HYCC2: variants seen among roughly 807,000 people sequenced by gnomAD.
The protein encoded by HYCC2 is hyccin 2.
At chr2:200,997,437 C>A in the HYCC2 span, 536 of 1,554,090 alleles carry the variant, frequency 3.4e-4, no homozygotes, top group Non-Finnish European at 4.1e-4. Context: ...AATAATCACT[C>A]TTCTCACCTG....
the HYCC2 span, among the ~76,000 whole-genome samples, chr2:201,042,261 A>C: frequency 6.6e-6 from 1 of 151,876 alleles, no homozygotes; most frequent in Non-Finnish European, 1.5e-5. Context: ...CTCAATGCTC[A>C]ATGTTGCCCA....
At chr2:200,992,045 C>T in the HYCC2 span, among the ~76,000 whole-genome samples, 1 of 152,006 alleles carries the variant, frequency 6.6e-6, no homozygotes, top group Non-Finnish European at 1.5e-5. Flanking sequence ...AGAACCTTTT[C>T]TTCTCTCTTT....
the HYCC2 span, chr2:200,977,602 G>C: frequency 6.6e-6 from 1 of 152,180 alleles, no homozygotes; most frequent in Non-Finnish European, 1.5e-5. Flanking sequence ...TGTAATCCTA[G>C]CACTTCTGGG....
chr2:201,033,374 T>TA, the HYCC2 span, among the ~76,000 whole-genome samples: 3 of 111,508 alleles, frequency 2.7e-5, no homozygotes, highest in Non-Finnish European at 5.7e-5. Flanking sequence ...TTGGCTAATT[T>TA]ATTTTATTTT....
At chr2:201,070,307 A>G in the HYCC2 span, among the ~76,000 whole-genome samples, 60 of 152,268 alleles carry the variant, frequency 3.9e-4, no homozygotes, top group South Asian at 0.012. Flanking sequence ...AACCTAATAA[A>G]TAATTCATAA....
the HYCC2 span, among the ~76,000 whole-genome samples, chr2:201,009,824 C>T: frequency 3.3e-5 from 5 of 151,994 alleles, no homozygotes; most frequent in African/African-American, 9.6e-5. Flanking sequence ...ACCATCCAGG[C>T]CAGGCGCGGT....
chr2:201,046,091 C>T, the HYCC2 span, among the ~76,000 whole-genome samples: 14 of 152,168 alleles, frequency 9.2e-5, no homozygotes, highest in Admixed American at 7.2e-4. Flanking sequence ...ATGGGTTTCA[C>T]ATAACTGAAA....
chr2:201,041,187 T>C, the HYCC2 span, among the ~76,000 whole-genome samples: 3 of 152,244 alleles, frequency 2.0e-5, no homozygotes, highest in East Asian at 5.8e-4. Flanking sequence ...AAGTAGCTTG[T>C]TATTCTCATC....
At chr2:201,035,882 G>A in the HYCC2 span, among the ~76,000 whole-genome samples, 1 of 152,122 alleles carries the variant, frequency 6.6e-6, no homozygotes, top group African/African-American at 2.4e-5. Context: ...GACCCTGTTT[G>A]CCTGGATATC....
chr2:201,042,539 C>T, the HYCC2 span, among the ~76,000 whole-genome samples: 1 of 151,794 alleles, frequency 6.6e-6, no homozygotes, highest in African/African-American at 2.4e-5. Flanking sequence ...GCCACCCCGT[C>T]TGGGAGGTGA....
At chr2:201,028,769 A>G in the HYCC2 span, among the ~76,000 whole-genome samples, 5 of 152,354 alleles carry the variant, frequency 3.3e-5, no homozygotes, top group South Asian at 1.0e-3. Context: ...AAATGTAGAA[A>G]GCTGAAACTG....
At chr2:201,012,998 G>A in the HYCC2 span, among the ~76,000 whole-genome samples, 18 of 151,208 alleles carry the variant, frequency 1.2e-4, no homozygotes, top group African/African-American at 4.1e-4. Context: ...TACAGATGAC[G>A]ACAATCAGAG....
the HYCC2 span, among the ~76,000 whole-genome samples, chr2:201,046,664 G>C: frequency 7.8e-4 from 118 of 152,106 alleles, no homozygotes; most frequent in Non-Finnish European, 1.5e-3. Flanking sequence ...AGACTTCAGG[G>C]CCAAGGAGAT....
At chr2:200,999,820 T>G in the HYCC2 span, among the ~76,000 whole-genome samples, 1 of 150,014 alleles carries the variant, frequency 6.7e-6, no homozygotes, top group South Asian at 2.1e-4. Flanking sequence ...TCCCAGCACA[T>G]TGGGAGGCCG....
At chr2:201,005,353 G>A in the HYCC2 span, among the ~76,000 whole-genome samples, 2 of 152,180 alleles carry the variant, frequency 1.3e-5, no homozygotes, top group Non-Finnish European at 2.9e-5. Flanking sequence ...TATTCTCATA[G>A]TGACAGAAGG....
chr2:201,029,867 C>T, the HYCC2 span, among the ~76,000 whole-genome samples: 3 of 152,158 alleles, frequency 2.0e-5, no homozygotes, highest in Non-Finnish European at 2.9e-5. Flanking sequence ...CAACATGGCA[C>T]ATGTATACCT....
chr2:201,026,050 A>G, the HYCC2 span, among the ~76,000 whole-genome samples: 5 of 152,196 alleles, frequency 3.3e-5, no homozygotes, highest in Admixed American at 2.6e-4. Context: ...GCCCATAAGT[A>G]TGCTGTATTC....
the HYCC2 span, among the ~76,000 whole-genome samples, chr2:201,055,493 G>A: frequency 6.6e-6 from 1 of 151,436 alleles, no homozygotes; most frequent in South Asian, 2.1e-4. Context: ...GAGCCCAGGA[G>A]TTTGAGACCA....
the HYCC2 span, chr2:201,022,993 T>A: frequency 5.4e-5 from 59 of 1,095,026 alleles, no homozygotes; most frequent in Non-Finnish European, 7.2e-5. Context: ...AACTTTATTT[T>A]ACACAAATAG....
Sources: gnomAD v4.1 joint callset for allele counts (sites outside exome capture counted in the v4.1 genomes callset) on GRCh38, gnomAD v4.1.1 for gene constraint, MANE v1.5 for transcripts, NCBI Gene and HGNC (gene_info 2026-07-23, HGNC 2026-07-21) for gene names.